Variants in TMEM41B observed in about 807,000 individuals in gnomAD.
The protein encoded by TMEM41B is protein stasimon.
Under a neutral mutation model 31.9 loss-of-function variants are expected in TMEM41B, and 18 were observed. The ratio of observed to expected loss-of-function variants is 0.56; its 90% CI spans 0.39 to 0.84. The LOEUF is 0.84. TMEM41B is among the 40% of genes least tolerant of loss of function. TMEM41B has a pLI of 0.00. For synonymous variants in TMEM41B, 144 were observed against 124.3 expected (o/e 1.16, Z -1.05); for missense variants, 322 against 348.0 (o/e 0.93, Z 0.59).
At chr11:9,297,572 G>A (rs976487964) in intron 2 of TMEM41B, among the ~76,000 whole-genome samples, 3 of 152,072 alleles carry the variant, frequency 2.0e-5, no homozygotes, top group Non-Finnish European at 4.4e-5. Context: ...TACATCTACA[G>A]TCCCAACTAC....
rs747425871 is a variant in TMEM41B at position 9,314,288 on chromosome 11, C to T, written c.121+33G>A. On this transcript the variant is annotated intron_variant, in intron 1 of 6. Transcript: ENST00000528080. ...CCACCCGACACACAGAAGCCTCGGG[C>T]CACCCCCAGCTCTGCTCCCCGGGCC... 5.1e-6 allele frequency: 8 copies of T among 1,564,616 alleles called. No homozygotes were observed. In the South Asian group the frequency reaches 7.9e-5, roughly 16 times the overall value.
intron 3 of TMEM41B, among the ~76,000 whole-genome samples, chr11:9,291,986 G>T (rs1263304510): frequency 6.6e-6 from 1 of 152,152 alleles, no homozygotes; most frequent in African/African-American, 2.4e-5. Flanking sequence ...AATTATAGGT[G>T]TTAGCCACCG....
In TMEM41B at chr11:9,283,537, TA is replaced by T; in HGVS notation, c.762del (p.Thr255GlnfsTer15). Reference sequence around the variant, plus strand: ...CAGGAAACAGCTTCTCCTGCTGTTGTAAGTTGATACAGTGTTGTTCCTGCCT... The same window carrying T: ...CAGGAAACAGCTTCTCCTGCTGTTGTAGTTGATACAGTGTTGTTCCTGCCT... ...AIKAGTTLYQ[L>X]TTAGEAVSWN... On this transcript the variant is annotated frameshift_variant, in exon 7 of 7. Coordinates refer to ENST00000528080, the MANE Select transcript of TMEM41B (RefSeq NM_015012.4). LOFTEE classifies it high-confidence loss of function. 1 of 1,613,626 alleles carries T rather than the reference TA, an allele frequency of 6.2e-7. No homozygotes were observed. The highest frequency in any genetic ancestry group is 8.5e-7 in the Non-Finnish European group (1 of 1,179,846).
At chr11:9,309,303 G>C (rs950027444) in intron 1 of TMEM41B, among the ~76,000 whole-genome samples, 2 of 151,922 alleles carry the variant, frequency 1.3e-5, no homozygotes, top group Admixed American at 6.6e-5. Context: ...ACTGGCTCCA[G>C]CCTGATGCCA....
At chr11:9,307,883 C>T (rs556774666) in intron 1 of TMEM41B, among the ~76,000 whole-genome samples, 2 of 152,178 alleles carry the variant, frequency 1.3e-5, no homozygotes, top group South Asian at 4.1e-4. Flanking sequence ...GTAGCTGGGA[C>T]TACAGGCACC....
intron 3 of TMEM41B, among the ~76,000 whole-genome samples, chr11:9,292,325 G>C (rs1013572241): frequency 3.3e-5 from 5 of 152,080 alleles, no homozygotes; most frequent in Admixed American, 6.6e-5. Flanking sequence ...GCTTAACTTT[G>C]TTTAGATTTC....
chr11:9,288,592 A>C, intron 3 of TMEM41B, 57 bp from the exon 4 acceptor site: 1 of 1,257,922 alleles, frequency 7.9e-7, no homozygotes, highest in Non-Finnish European at 1.1e-6. Context: ...TAAAAGACAA[A>C]TGTAACATTT....
rs190843990 is a variant in TMEM41B, at chr11:9,305,206, A to G, written c.122-5505T>C. Among the ~76,000 whole-genome samples, 424 of 152,232 alleles carry G rather than the reference A, an allele frequency of 2.8e-3. 3 individuals carry two copies. The highest frequency in any genetic ancestry group is 5.0e-3 in the Admixed American group (76 of 15,282). Reference sequence around the variant, plus strand: ...AGTAGGTAAGGAATGAGGGTAATATATATATATAAGTATTGAGTTTTCTGT... The same window carrying G: ...AGTAGGTAAGGAATGAGGGTAATATGTATATATAAGTATTGAGTTTTCTGT... On this transcript the variant is annotated intron_variant, in intron 1 of 6. Transcript: ENST00000528080.
intron 2 of TMEM41B, among the ~76,000 whole-genome samples, chr11:9,296,681 T>C (rs1853097148): frequency 6.6e-6 from 1 of 152,042 alleles, no homozygotes. Flanking sequence ...TAACATCATT[T>C]TGGGTAATCC....
At chr11:9,294,803 A>G (rs1215739716) in intron 3 of TMEM41B, among the ~76,000 whole-genome samples, 2 of 152,052 alleles carry the variant, frequency 1.3e-5, no homozygotes, top group South Asian at 4.1e-4. Flanking sequence ...GAAACAATGC[A>G]AGAAAAAAAC....
chr11:9,294,061 G>T (rs1398391051), intron 3 of TMEM41B, among the ~76,000 whole-genome samples: 3 of 151,412 alleles, frequency 2.0e-5, no homozygotes, highest in African/African-American at 7.3e-5. Flanking sequence ...TGTGCCTGTG[G>T]TTCCAGCTAC....
chr11:9,308,899 A>C (rs1333980824), intron 1 of TMEM41B, among the ~76,000 whole-genome samples: 1 of 152,224 alleles, frequency 6.6e-6, no homozygotes, highest in Non-Finnish European at 1.5e-5. Flanking sequence ...CTGAAGCTTC[A>C]AGGGGAACCA....
chr11:9,314,282 C>T (rs1853635477), intron 1 of TMEM41B, 39 bp downstream of exon 1: 2 of 1,560,706 alleles, frequency 1.3e-6, no homozygotes, highest in Non-Finnish European at 1.7e-6. Context: ...ACACAGAAGC[C>T]TCGGGCCACC....
intron 1 of TMEM41B, among the ~76,000 whole-genome samples, chr11:9,305,086 C>T (rs1029496547): frequency 2.0e-5 from 3 of 152,110 alleles, no homozygotes; most frequent in African/African-American, 2.4e-5. Context: ...GCCATAGAAC[C>T]GGGCTAGAAA....
intron 6 of TMEM41B, among the ~76,000 whole-genome samples, chr11:9,285,092 T>C (rs557012237): frequency 2.7e-5 from 4 of 149,962 alleles, no homozygotes; most frequent in South Asian, 2.1e-4. Context: ...TTCTTTCTTT[T>C]TTTTTTTTTT....
intron 2 of TMEM41B, among the ~76,000 whole-genome samples, 173 bp from the exon 3 acceptor site, chr11:9,295,560 A>AAT (rs1359556700): frequency 2.6e-5 from 4 of 152,190 alleles, no homozygotes; most frequent in Admixed American, 2.6e-4. Flanking sequence ...TGAGACATAG[A>AAT]GTCTTGCTCT....
intron 1 of TMEM41B, among the ~76,000 whole-genome samples, chr11:9,300,202 A>C (rs985055528): frequency 2.6e-5 from 4 of 152,106 alleles, no homozygotes; most frequent in African/African-American, 7.2e-5. Flanking sequence ...CTTTGGGGGG[A>C]TATATCCATT....
At chr11:9,307,264 A>G (rs1853420590) in intron 1 of TMEM41B, among the ~76,000 whole-genome samples, 2 of 152,144 alleles carry the variant, frequency 1.3e-5, no homozygotes, top group African/African-American at 2.4e-5. Context: ...GAAGGAAAAA[A>G]AATCCATTTA....
At chr11:9,314,223 T>C in intron 1 of TMEM41B, 98 bp downstream of exon 1, 2 of 1,398,166 alleles carry the variant, frequency 1.4e-6, no homozygotes, top group Non-Finnish European at 1.9e-6. Flanking sequence ...GGCCCCCCTC[T>C]TTCCCCGCGA....
Sources: allele counts gnomAD v4.1 joint callset (sites outside exome capture counted in the v4.1 genomes callset), GRCh38; gene constraint gnomAD v4.1.1; transcripts MANE v1.5; gene names NCBI Gene and HGNC (gene_info 2026-07-23, HGNC 2026-07-21).